The following DIP2C variants were observed in gnomAD, a reference collection of about 807,000 sequenced individuals.
DIP2C encodes the protein DIP2 acetate--CoA ligase C (putative).
DIP2C carries 33 observed loss-of-function variants against 192.4 expected under a neutral mutation model. That is an observed-to-expected ratio of 0.17 (90% CI 0.13 to 0.23). The LOEUF is 0.23. Among genes scored for constraint, DIP2C ranks in the 10% least tolerant of loss-of-function variants. The pLI, the probability that DIP2C is intolerant of heterozygous loss-of-function variation, is 1.00. For synonymous variants in DIP2C, 979 were observed against 864.1 expected, an observed-to-expected ratio of 1.13 and a Z score of -2.33; for missense variants, 1,537 against 2,110.1, an observed-to-expected ratio of 0.73 and a Z score of 5.32.
chr10:508,793 A>G (rs1024365030), intron 1 of DIP2C, among the ~76,000 whole-genome samples: 1 of 152,190 alleles, frequency 6.6e-6, no homozygotes, highest in Admixed American at 6.5e-5. Context: ...AGATGGCGAG[A>G]CGAGACTGGC....
chr10:520,135 T>TC (rs1332250817), intron 1 of DIP2C, among the ~76,000 whole-genome samples: 1 of 152,190 alleles, frequency 6.6e-6, no homozygotes, highest in African/African-American at 2.4e-5. Context: ...GTTTAGAAGG[T>TC]CGTGTGAAGT....
intron 1 of DIP2C, among the ~76,000 whole-genome samples, chr10:564,896 A>G (rs1849381817): frequency 1.3e-5 from 2 of 152,208 alleles, no homozygotes; most frequent in Non-Finnish European, 2.9e-5. Context: ...ACACAGTAGA[A>G]ATCTTTCTTC....
intron 1 of DIP2C, among the ~76,000 whole-genome samples, chr10:579,527 C>T (rs1009599048): frequency 2.8e-4 from 43 of 152,020 alleles, no homozygotes; most frequent in African/African-American, 1.0e-3. Context: ...AGAGCATACA[C>T]ACATCCAGAT....
intron 8 of DIP2C, 137 bp from the exon 9 acceptor site, chr10:409,154 C>G: frequency 1.4e-6 from 1 of 731,088 alleles, no homozygotes; most frequent in African/African-American, 1.8e-5. Flanking sequence ...GTGGGGGCAG[C>G]TGAGCAAAGG....
At position 617,829 on chromosome 10, in the gene DIP2C, A is replaced by G. The variant is rs552914861; in HGVS notation, c.85+71665T>C. Reference sequence around the variant, plus strand: ...GGCTCTGGTGGGTAACCGCCCCCCCAGCCCCAGGTGTCTGGGAGGCTCAAA... The same window carrying G: ...GGCTCTGGTGGGTAACCGCCCCCCCGGCCCCAGGTGTCTGGGAGGCTCAAA... On this transcript the variant is annotated intron_variant, in intron 1 of 36. Transcript: ENST00000280886. Among the ~76,000 whole-genome samples the G allele has an allele frequency of 3.3e-5, 5 of 151,992 alleles. No individual in the cohort carries two copies. In the East Asian group the frequency reaches 9.7e-4, roughly 30 times the overall value.
At chr10:661,304 T>C (rs1307632644) in intron 1 of DIP2C, among the ~76,000 whole-genome samples, 1 of 152,192 alleles carries the variant, frequency 6.6e-6, no homozygotes, top group Non-Finnish European at 1.5e-5. Context: ...CCGTGTACCT[T>C]TGCCCTTCCT....
At chr10:624,182 T>C (rs1428420678) in intron 1 of DIP2C, among the ~76,000 whole-genome samples, 2 of 152,184 alleles carry the variant, frequency 1.3e-5, no homozygotes, top group Non-Finnish European at 2.9e-5. Context: ...AGGGATCTGT[T>C]ATCTCGGTCC....
At chr10:530,653 TAAAAAA>T (rs59344971) in intron 1 of DIP2C, among the ~76,000 whole-genome samples, 2 of 106,088 alleles carry the variant, frequency 1.9e-5, no homozygotes, top group African/African-American at 7.1e-5. Context: ...CCCTATCTCT[TAAAAAA>T]AAAAAAAAAA....
At chr10:446,723 C>G (rs1347404974) in intron 3 of DIP2C, among the ~76,000 whole-genome samples, 1 of 152,150 alleles carries the variant, frequency 6.6e-6, no homozygotes, top group African/African-American at 2.4e-5. Flanking sequence ...TCAGGAAGGG[C>G]CCTTATCAAA....
At chr10:519,629 C>A (rs1846571908) in intron 1 of DIP2C, among the ~76,000 whole-genome samples, 1 of 152,236 alleles carries the variant, frequency 6.6e-6, no homozygotes, top group East Asian at 1.9e-4. Context: ...TGCCAAGGGG[C>A]CCAGCAGTCA....
At chr10:351,822 G>GA (rs1334496925) in intron 24 of DIP2C, among the ~76,000 whole-genome samples, 10 of 152,168 alleles carry the variant, frequency 6.6e-5, no homozygotes, top group Non-Finnish European at 1.2e-4. Context: ...CCGGCTCCTT[G>GA]CCGCCAACGT....
At chr10:631,775 G>A (rs1035060811) in intron 1 of DIP2C, among the ~76,000 whole-genome samples, 1 of 152,224 alleles carries the variant, frequency 6.6e-6, no homozygotes, top group African/African-American at 2.4e-5. Context: ...CCCGGGAGCA[G>A]AGAGAGCTTA....
intron 24 of DIP2C, among the ~76,000 whole-genome samples, chr10:353,407 G>A (rs992059283): frequency 6.6e-6 from 1 of 152,132 alleles, no homozygotes; most frequent in Non-Finnish European, 1.5e-5. Context: ...AATTTTTTTC[G>A]AGATAGAGTC....
chr10:463,163 GAGAA>G (rs746932514), intron 3 of DIP2C, among the ~76,000 whole-genome samples: 38 of 152,166 alleles, frequency 2.5e-4, no homozygotes, highest in African/African-American at 1.7e-4. Context: ...AATCAGGCAA[GAGAA>G]AGAAAGAAAG....
At chr10:343,106 A>G (rs567735091) in intron 28 of DIP2C, among the ~76,000 whole-genome samples, 21 of 152,078 alleles carry the variant, frequency 1.4e-4, no homozygotes, top group East Asian at 7.7e-4. Context: ...TGGCTAACAC[A>G]GTGAAACCCC....
At chr10:355,578 A>G (rs1194271801) in intron 24 of DIP2C, among the ~76,000 whole-genome samples, 2 of 152,246 alleles carry the variant, frequency 1.3e-5, no homozygotes, top group Non-Finnish European at 1.5e-5. Context: ...AAAAGTAGTA[A>G]CAAGCATATT....
chr10:495,464 G>GA lies in DIP2C; in HGVS notation c.86-8935dup, dbSNP rs530833101. Among the ~76,000 whole-genome samples, 8 of 151,682 alleles carry GA rather than the reference G, an allele frequency of 5.3e-5. No individual in the cohort carries two copies. The South Asian group carries it at 1.0e-3, about 20-fold the overall frequency. On this transcript the variant is annotated intron_variant, in intron 1 of 36. Transcript: ENST00000280886. ...TGTTATTAATAGCTTGAAGGGGCAG[G>GA]AAAAAAACCTGAAATCCTTCCCCTC...
intron 1 of DIP2C, among the ~76,000 whole-genome samples, chr10:633,232 G>A (rs572955271): frequency 9.2e-5 from 14 of 152,342 alleles, no homozygotes; most frequent in Admixed American, 2.6e-4. Flanking sequence ...GCTTAGGCAC[G>A]TGGGTTACTT....
rs919700882 is a variant in DIP2C at position 276,041 on chromosome 10, G to A, written c.*1284C>T. 4 of 152,258 alleles carry A rather than the reference G, an allele frequency of 2.6e-5. No individual in the cohort carries two copies. Among genetic ancestry groups the A allele is most frequent in the African/African-American group, 4.8e-5 (2 of 41,434 alleles). The allele number at this position is 152,258 out of a possible 1,614,324, so 9.4% of individuals were successfully genotyped here. The stretch of plus-strand genomic sequence containing the variant: ...AGGGGGAATCAATGCAACCCAGTGC[G>A]AATGACCACAGAATCGCATTCCTTT... On this transcript the variant is annotated 3_prime_UTR_variant, in exon 37 of 37. Coordinates refer to ENST00000280886, the MANE Select transcript of DIP2C (RefSeq NM_014974.3).
Sources: gnomAD v4.1 joint callset for allele counts (sites outside exome capture counted in the v4.1 genomes callset) on GRCh38, gnomAD v4.1.1 for gene constraint, MANE v1.5 for transcripts, NCBI Gene and HGNC (gene_info 2026-07-23, HGNC 2026-07-21) for gene names.